GPC6: variants seen among roughly 807,000 people sequenced by gnomAD.
The protein encoded by GPC6 is glypican 6.
A neutral mutation model predicts 55.2 loss-of-function variants in GPC6; 14 were observed. That is an observed-to-expected ratio of 0.25 (90% CI 0.17 to 0.40). GPC6 has a LOEUF of 0.40. Ranked by LOEUF, GPC6 falls within the 10% of genes least tolerant of loss-of-function variation. GPC6 has a pLI of 1.00. For synonymous variants in GPC6, 278 were observed against 259.6 expected, an observed-to-expected ratio of 1.07 and a Z score of -0.68; for missense variants, 641 against 708.5, an observed-to-expected ratio of 0.90 and a Z score of 1.08.
At chr13:94,235,145 A>T (rs79794153) in intron 4 of GPC6, among the ~76,000 whole-genome samples, 1,857 of 152,230 alleles carry the variant, frequency 0.012, 41 homozygotes, top group African/African-American at 0.042. Flanking sequence ...AGCATGATAA[A>T]TCCTCAGGAT....
At chr13:94,033,114 G>A (rs1883202037) in intron 4 of GPC6, among the ~76,000 whole-genome samples, 1 of 152,108 alleles carries the variant, frequency 6.6e-6, no homozygotes, top group Admixed American at 6.5e-5. Context: ...GAAATGGAAG[G>A]GAATATTCTA....
chr13:93,814,267 C>G (rs1018214504), intron 2 of GPC6, among the ~76,000 whole-genome samples: 4 of 152,144 alleles, frequency 2.6e-5, no homozygotes, highest in Admixed American at 1.3e-4. Flanking sequence ...TGACATATTT[C>G]TAGAAAAATG....
At chr13:94,211,737 A>G (rs770814686) in intron 4 of GPC6, among the ~76,000 whole-genome samples, 8 of 152,232 alleles carry the variant, frequency 5.3e-5, no homozygotes, top group Non-Finnish European at 8.8e-5. Context: ...CTTTGGCTTA[A>G]AGACCACAAG....
chr13:94,365,590 C>G (rs903331276), intron 6 of GPC6, among the ~76,000 whole-genome samples: 3 of 152,172 alleles, frequency 2.0e-5, no homozygotes, highest in African/African-American at 2.4e-5. Flanking sequence ...AGATTTATGG[C>G]AATCCGTCTC....
intron 4 of GPC6, among the ~76,000 whole-genome samples, chr13:94,218,706 C>G (rs563177591): frequency 6.6e-6 from 1 of 152,246 alleles, no homozygotes; most frequent in Non-Finnish European, 1.5e-5. Flanking sequence ...CTCAGTGTGC[C>G]AGAGGCAAAG....
intron 1 of GPC6, among the ~76,000 whole-genome samples, chr13:93,241,405 T>C (rs1876423361): frequency 6.6e-6 from 1 of 152,212 alleles, no homozygotes; most frequent in African/African-American, 2.4e-5. Context: ...GCTCTGAAAT[T>C]ATTTCTTTTG....
chr13:93,511,898 T>C (rs1344408281), intron 1 of GPC6, among the ~76,000 whole-genome samples: 1 of 152,058 alleles, frequency 6.6e-6, no homozygotes, highest in African/African-American at 2.4e-5. Flanking sequence ...TTGTTTAATG[T>C]ATTCCAAGGC....
chr13:93,719,894 T>G (rs1477999865), intron 2 of GPC6, among the ~76,000 whole-genome samples: 1 of 152,154 alleles, frequency 6.6e-6, no homozygotes, highest in Admixed American at 6.5e-5. Context: ...TTTATTGATT[T>G]GCATATGTTG....
At chr13:93,487,915 A>G (rs76165262) in intron 1 of GPC6, among the ~76,000 whole-genome samples, 1 of 152,206 alleles carries the variant, frequency 6.6e-6, no homozygotes, top group East Asian at 1.9e-4. Flanking sequence ...GGCATTTACA[A>G]GTTAAACAAT....
At chr13:94,372,964 C>T (rs1263820132) in intron 6 of GPC6, among the ~76,000 whole-genome samples, 1 of 152,184 alleles carries the variant, frequency 6.6e-6, no homozygotes, top group Non-Finnish European at 1.5e-5. Context: ...ACTGACACCT[C>T]ACACGGCAGG....
At chr13:93,279,483 C>T (rs1877873479) in intron 1 of GPC6, among the ~76,000 whole-genome samples, 1 of 152,154 alleles carries the variant, frequency 6.6e-6, no homozygotes, top group Non-Finnish European at 1.5e-5. Context: ...CTTCTTGAAC[C>T]TTATTTCCAA....
intron 8 of GPC6, among the ~76,000 whole-genome samples, chr13:94,401,909 G>A (rs1594244101): frequency 6.6e-6 from 1 of 151,608 alleles, no homozygotes; most frequent in South Asian, 2.1e-4. Flanking sequence ...TCCAGCCTGG[G>A]CAACAGAGCC....
chr13:93,682,281 G>A (rs181949765), intron 2 of GPC6, among the ~76,000 whole-genome samples: 1 of 152,278 alleles, frequency 6.6e-6, no homozygotes, highest in East Asian at 1.9e-4. Flanking sequence ...GCAAAAGGGG[G>A]AGTTGTACTA....
In GPC6 at chr13:93,495,994, C is replaced by T. The variant is rs1338116686; in HGVS notation, c.161-49269C>T. 2.6e-5 allele frequency among the ~76,000 whole-genome samples: 4 copies of T among 151,192 alleles called. 1 individual carries two copies. The highest frequency in any genetic ancestry group is 1.3e-4 in the Admixed American group (2 of 15,166). On this transcript the variant is annotated intron_variant, in intron 1 of 8. Transcript: ENST00000377047. ...GTCTTTTTGTTTGTCTGTGCCCTGCCCCCAGAGGTGGATCCTACAGAGGGA... is the reference window on the plus strand; with the variant it reads ...GTCTTTTTGTTTGTCTGTGCCCTGCTCCCAGAGGTGGATCCTACAGAGGGA...
chr13:94,231,448 G>A (rs1301111471), intron 4 of GPC6, among the ~76,000 whole-genome samples: 35 of 152,068 alleles, frequency 2.3e-4, no homozygotes, highest in Admixed American at 2.3e-3. Flanking sequence ...CCAAGAATAA[G>A]GAAGGCATCA....
intron 1 of GPC6, among the ~76,000 whole-genome samples, chr13:93,483,573 C>T (rs553288878): frequency 1.8e-4 from 27 of 152,154 alleles, no homozygotes; most frequent in South Asian, 8.3e-4. Flanking sequence ...TTTATGCTAT[C>T]CTGCAATAAT....
intron 4 of GPC6, among the ~76,000 whole-genome samples, chr13:94,048,968 T>C (rs1883835287): frequency 6.6e-6 from 1 of 152,050 alleles, no homozygotes; most frequent in Non-Finnish European, 1.5e-5. Flanking sequence ...TGTCACCATG[T>C]GCCATGGCTC....
intron 6 of GPC6, among the ~76,000 whole-genome samples, chr13:94,380,445 A>C (rs1411750128): frequency 6.6e-6 from 1 of 152,224 alleles, no homozygotes; most frequent in Non-Finnish European, 1.5e-5. Flanking sequence ...ACTTTGAAAA[A>C]AAAGTCAAAC....
At chr13:93,248,229 T>C (rs1876666938) in intron 1 of GPC6, among the ~76,000 whole-genome samples, 2 of 152,156 alleles carry the variant, frequency 1.3e-5, no homozygotes, top group African/African-American at 4.8e-5. Flanking sequence ...AAGGTTGATT[T>C]TTACAACTGG....
Sources: allele counts gnomAD v4.1 joint callset (sites outside exome capture counted in the v4.1 genomes callset), GRCh38; gene constraint gnomAD v4.1.1; transcripts MANE v1.5; gene names NCBI Gene and HGNC (gene_info 2026-07-23, HGNC 2026-07-21).